CCDC171: variants seen among roughly 807,000 people sequenced by gnomAD.
CCDC171 encodes coiled-coil domain containing 171, also known as coiled-coil domain-containing protein 171.
Under a neutral mutation model 168.2 loss-of-function variants are expected in CCDC171, and 177 were observed. The ratio of observed to expected loss-of-function variants is 1.05; its 90% CI spans 0.93 to 1.19. CCDC171 has a LOEUF of 1.19. CCDC171 is among the 50% of genes most tolerant of loss of function. CCDC171 has a pLI of 0.00. For synonymous variants in CCDC171, 687 were observed against 540.8 expected (o/e 1.27, Z -3.75); for missense variants, 1,991 against 1,539.0 (o/e 1.29, Z -4.91).
At chr9:15,820,742 G>A (rs1345885614) in intron 21 of CCDC171, among the ~76,000 whole-genome samples, 1 of 117,006 alleles carries the variant, frequency 8.5e-6, no homozygotes, top group Non-Finnish European at 1.9e-5. Flanking sequence ...ATTCACAGCC[G>A]AATTCTACCA....
In CCDC171 at chr9:15,932,247, G is replaced by A. The variant is rs554642063; in HGVS notation, c.3753+11825G>A. 4.6e-5 allele frequency among the ~76,000 whole-genome samples: 7 copies of A among 151,666 alleles called. No individual in the cohort carries two copies. The South Asian group carries it at 1.5e-3, about 32-fold the overall frequency. On this transcript the variant is annotated intron_variant, in intron 25 of 25. Transcript: ENST00000380701. ...TTAATTCTTCCAATCCATGAACATG[G>A]GATATCTTTTCATTTATTTGTATCC...
chr9:15,584,272 T>C (rs1333439456), intron 4 of CCDC171, among the ~76,000 whole-genome samples: 1 of 152,234 alleles, frequency 6.6e-6, no homozygotes, highest in Non-Finnish European at 1.5e-5. Flanking sequence ...GAAGAAAAAG[T>C]AGTATCTTTT....
chr9:15,951,759 A>G (rs1248041145), intron 25 of CCDC171, among the ~76,000 whole-genome samples: 1 of 152,174 alleles, frequency 6.6e-6, no homozygotes, highest in Non-Finnish European at 1.5e-5. Context: ...TATTCTGGAT[A>G]TAAATCCCTT....
At chr9:15,594,691 A>AGCAGATGGAGATTTGGAG (rs1384580559) in intron 6 of CCDC171, among the ~76,000 whole-genome samples, 1 of 152,140 alleles carries the variant, frequency 6.6e-6, no homozygotes, top group Non-Finnish European at 1.5e-5. Context: ...GAGATTTGGA[A>AGCAGATGGAGATTTGGAG]GTTACTGACT....
intron 25 of CCDC171, among the ~76,000 whole-genome samples, chr9:15,952,134 A>T (rs536709243): frequency 1.3e-5 from 2 of 152,224 alleles, no homozygotes; most frequent in Admixed American, 1.3e-4. Context: ...TGTTGAAAAG[A>T]CGTATTTTTT....
intron 24 of CCDC171, among the ~76,000 whole-genome samples, chr9:15,904,931 T>A (rs1822309120): frequency 6.6e-6 from 1 of 151,800 alleles, no homozygotes; most frequent in Non-Finnish European, 1.5e-5. Context: ...AAGAAGGCCA[T>A]TACATAATGG....
chr9:15,823,134 A>G (rs1442096563), intron 21 of CCDC171, among the ~76,000 whole-genome samples: 7 of 152,254 alleles, frequency 4.6e-5, no homozygotes, highest in South Asian at 2.1e-4. Flanking sequence ...GAATTGAACA[A>G]TGAGAACACA....
At chr9:15,800,348 A>G (rs762911220) in intron 21 of CCDC171, among the ~76,000 whole-genome samples, 17 of 152,120 alleles carry the variant, frequency 1.1e-4, no homozygotes, top group Non-Finnish European at 1.5e-4. Flanking sequence ...TTTGATATGC[A>G]TTTCTCTGAT....
At chr9:15,644,215 AATTTTCTTCCAGT>A (rs2046859611) in intron 7 of CCDC171, among the ~76,000 whole-genome samples, 1 of 152,094 alleles carries the variant, frequency 6.6e-6, no homozygotes, top group East Asian at 1.9e-4. Flanking sequence ...TAGTTTTTCC[AATTTTCTTCCAGT>A]ATTTTCTGTT....
At chr9:15,838,067 G>C (rs1296289070) in intron 21 of CCDC171, among the ~76,000 whole-genome samples, 1 of 152,030 alleles carries the variant, frequency 6.6e-6, no homozygotes, top group East Asian at 1.9e-4. Flanking sequence ...CTATGATGTA[G>C]GGTTTATGGC....
chr9:15,725,000 G>A (rs756042159), intron 14 of CCDC171, 24 bp downstream of exon 14: 10 of 1,543,846 alleles, frequency 6.5e-6, no homozygotes, highest in South Asian at 3.3e-5. Flanking sequence ...CTCAATGACT[G>A]TCAGGAAGGG....
chr9:16,054,330 G>A (rs1833798900), intron 1 of CCDC171, among the ~76,000 whole-genome samples: 2 of 152,234 alleles, frequency 1.3e-5, no homozygotes, highest in Non-Finnish European at 2.9e-5. Context: ...TCATTCGGGT[G>A]TGCACGAAGT....
At chr9:15,617,846 A>T (rs1453674812) in intron 6 of CCDC171, among the ~76,000 whole-genome samples, 2 of 152,164 alleles carry the variant, frequency 1.3e-5, no homozygotes, top group Non-Finnish European at 2.9e-5. Flanking sequence ...GCTGGAGAAC[A>T]GCAAAGATTG....
intron 18 of CCDC171, among the ~76,000 whole-genome samples, chr9:15,776,561 C>T (rs1168838847): frequency 3.9e-5 from 6 of 152,186 alleles, no homozygotes; most frequent in Middle Eastern, 3.4e-3. Flanking sequence ...ATTCTGGCTG[C>T]TACATAGATT....
At chr9:15,964,172 T>A (rs1589263797) in intron 25 of CCDC171, among the ~76,000 whole-genome samples, 1 of 151,954 alleles carries the variant, frequency 6.6e-6, no homozygotes, top group Non-Finnish European at 1.5e-5. Flanking sequence ...ACATTTAGAG[T>A]TTTCTCTTAC....
chr9:15,968,537 CTTTT>C (rs35265243), intron 25 of CCDC171, among the ~76,000 whole-genome samples: 11 of 88,788 alleles, frequency 1.2e-4, no homozygotes, highest in African/African-American at 2.4e-4. Context: ...TTGTTGCTGG[CTTTT>C]TTTTTTTTTT....
chr9:15,679,752 T>A (rs1248325336), intron 10 of CCDC171, among the ~76,000 whole-genome samples: 1 of 152,156 alleles, frequency 6.6e-6, no homozygotes, highest in East Asian at 1.9e-4. Context: ...TCTCGCTATG[T>A]TGGCCAGGCT....
intron 21 of CCDC171, among the ~76,000 whole-genome samples, chr9:15,814,206 C>T (rs1043721310): frequency 3.3e-5 from 5 of 152,204 alleles, no homozygotes; most frequent in Non-Finnish European, 7.4e-5. Flanking sequence ...GTACCAGCCT[C>T]GGGCTGGGTC....
intron 6 of CCDC171, among the ~76,000 whole-genome samples, chr9:16,034,756 G>A (rs1334404126): frequency 2.0e-5 from 3 of 152,186 alleles, no homozygotes; most frequent in African/African-American, 7.2e-5. Context: ...ACCTACCAAA[G>A]CTTCCCTGGA....
Sources: gnomAD v4.1 joint callset for allele counts (sites outside exome capture counted in the v4.1 genomes callset) on GRCh38, gnomAD v4.1.1 for gene constraint, MANE v1.5 for transcripts, NCBI Gene and HGNC (gene_info 2026-07-23, HGNC 2026-07-21) for gene names.